Variants in MAP2K6 observed in about 807,000 individuals in gnomAD.
MAP2K6 encodes dual specificity mitogen-activated protein kinase kinase 6.
A neutral mutation model predicts 53.7 loss-of-function variants in MAP2K6; 16 were observed. That is an observed-to-expected ratio of 0.30 (90% CI 0.20 to 0.45). The LOEUF (loss-of-function observed/expected upper bound fraction) is 0.45, where lower values mean the gene tolerates loss of function less well. Among genes scored for constraint, MAP2K6 ranks in the 20% least tolerant of loss-of-function variants. The pLI, the probability that MAP2K6 is intolerant of heterozygous loss-of-function variation, is 1.00. For synonymous variants in MAP2K6, 132 were observed against 143.1 expected (o/e 0.92, Z 0.55); for missense variants, 204 against 411.9 (o/e 0.50, Z 4.37).
At chr17:69,524,826 TC>T in intron 8 of MAP2K6, 74 bp from the exon 9 acceptor site, 1 of 1,119,228 alleles carries the variant, frequency 8.9e-7, no homozygotes, top group Non-Finnish European at 1.4e-6. Flanking sequence ...GCTACCCCCA[TC>T]CCCAGAGACT....
intron 10 of MAP2K6, 22 bp from the exon 11 acceptor site, chr17:69,536,093 T>G (rs1013529413): frequency 1.3e-6 from 2 of 1,526,444 alleles, no homozygotes; most frequent in Non-Finnish European, 1.8e-6. Context: ...TAGATTTTAA[T>G]GATTATTTTT....
intron 1 of MAP2K6, among the ~76,000 whole-genome samples, chr17:69,423,085 A>G (rs1003802694): frequency 1.3e-5 from 2 of 152,116 alleles, no homozygotes; most frequent in African/African-American, 2.4e-5. Context: ...GGGTTTCACC[A>G]TGTTGGCCAG....
At chr17:69,467,716 T>G (rs1907859975) in intron 1 of MAP2K6, among the ~76,000 whole-genome samples, 1 of 152,194 alleles carries the variant, frequency 6.6e-6, no homozygotes, top group African/African-American at 2.4e-5. Context: ...TTATTCAGTC[T>G]TTTCCTTGAA....
At chr17:69,509,082 T>C (rs1909676758) in intron 2 of MAP2K6, among the ~76,000 whole-genome samples, 1 of 152,266 alleles carries the variant, frequency 6.6e-6, no homozygotes, top group Non-Finnish European at 1.5e-5. Context: ...CTATGTTGAC[T>C]ATTCTAAAGG....
intron 1 of MAP2K6, among the ~76,000 whole-genome samples, chr17:69,448,780 T>G (rs1424084590): frequency 6.6e-6 from 1 of 152,198 alleles, no homozygotes; most frequent in Non-Finnish European, 1.5e-5. Context: ...TCAGAGGGAT[T>G]TGTCTTCATT....
chr17:69,503,798 A>G (rs1371187950), intron 1 of MAP2K6, among the ~76,000 whole-genome samples: 1 of 152,188 alleles, frequency 6.6e-6, no homozygotes, highest in Admixed American at 6.5e-5. Flanking sequence ...ATGTTTTTTC[A>G]TATATGTTAT....
chr17:69,418,906 A>C (rs817544), intron 1 of MAP2K6, among the ~76,000 whole-genome samples: 58,459 of 151,932 alleles, frequency 0.38, 11,773 homozygotes, highest in Middle Eastern at 0.46. Flanking sequence ...CTAATCAAAA[A>C]ATTCAAACCA....
chr17:69,527,962 A>C (rs1330371461), intron 10 of MAP2K6, among the ~76,000 whole-genome samples: 1 of 149,930 alleles, frequency 6.7e-6, no homozygotes, highest in Non-Finnish European at 1.5e-5. Flanking sequence ...CTAAAAATAC[A>C]AAAAATTAAC....
At chr17:69,532,490 CTT>C (rs753075764) in intron 10 of MAP2K6, among the ~76,000 whole-genome samples, 10 of 152,172 alleles carry the variant, frequency 6.6e-5, no homozygotes, top group Admixed American at 1.3e-4. Flanking sequence ...ATGAGAAGCT[CTT>C]TGAAAATTCA....
chr17:69,535,493 A>G (rs1264001283), intron 10 of MAP2K6, among the ~76,000 whole-genome samples: 1 of 152,112 alleles, frequency 6.6e-6, no homozygotes, highest in Non-Finnish European at 1.5e-5. Context: ...CAGGAGGCTG[A>G]GGCAGGAAGA....
chr17:69,523,106 T>C (rs1910566839), intron 7 of MAP2K6, among the ~76,000 whole-genome samples: 1 of 152,162 alleles, frequency 6.6e-6, no homozygotes, highest in Non-Finnish European at 1.5e-5. Context: ...TTTGGTCATA[T>C]TTGGTGTATC....
chr17:69,496,947 T>C (rs771179646), intron 1 of MAP2K6, among the ~76,000 whole-genome samples: 45 of 152,162 alleles, frequency 3.0e-4, no homozygotes, highest in Non-Finnish European at 4.4e-4. Context: ...ACGAGTATCA[T>C]TTTTATTACC....
chr17:69,479,704 A>C (rs1598281927), intron 1 of MAP2K6, among the ~76,000 whole-genome samples: 1 of 150,010 alleles, frequency 6.7e-6, no homozygotes, highest in Non-Finnish European at 1.5e-5. Context: ...CAGGAAATGT[A>C]CTTTTCCTTT....
chr17:69,520,250 C>A lies in MAP2K6; in HGVS notation c.367-20C>A, dbSNP rs780635814. The A allele has an allele frequency of 7.9e-7, 1 of 1,263,770 alleles. No homozygotes were observed. The highest frequency in any genetic ancestry group is 1.1e-6 in the Non-Finnish European group (1 of 887,710). 78.3% of individuals were successfully genotyped at this position (1,263,770 alleles called of 1,614,324 possible). ...CCTTTTTCATCCTTTTAAACAATTCCTGAAACAATTGGTCTCCAGGGTGAT... is the reference window on the plus strand; with the variant it reads ...CCTTTTTCATCCTTTTAAACAATTCATGAAACAATTGGTCTCCAGGGTGAT... On this transcript the variant is annotated intron_variant, in intron 5 of 11. Transcript: ENST00000590474.
intron 1 of MAP2K6, among the ~76,000 whole-genome samples, chr17:69,442,251 A>C (rs1906843732): frequency 6.6e-6 from 1 of 152,120 alleles, no homozygotes. Context: ...CGCTTCCCAG[A>C]GTGGCTTTTC....
Position 69,463,510 on chromosome 17 carries a change from A to G in MAP2K6, c.17-42270A>G, listed in dbSNP as rs184777797. On this transcript the variant is annotated intron_variant, in intron 1 of 11. Transcript: ENST00000590474. ...TATATGCACACACACACACATATGT[A>G]TATATATATACACACGCAATCTTGG... Among the ~76,000 whole-genome samples the G allele has an allele frequency of 2.3e-3, 352 of 150,060 alleles. 2 individuals are homozygous for G. The highest frequency in any genetic ancestry group is 8.1e-3 in the African/African-American group (333 of 40,978).
chr17:69,502,267 T>C (rs1216254030), intron 1 of MAP2K6: 1 of 985,336 alleles, frequency 1.0e-6, no homozygotes, highest in Non-Finnish European at 1.2e-6. Flanking sequence ...TGTTCAGTTC[T>C]GTTTCTCCTT....
At chr17:69,531,954 C>G (rs1911105341) in intron 10 of MAP2K6, among the ~76,000 whole-genome samples, 1 of 152,152 alleles carries the variant, frequency 6.6e-6, no homozygotes, top group South Asian at 2.1e-4. Context: ...CCGGTTTACA[C>G]TTTTCATTAT....
At chr17:69,513,139 C>T (rs1448039154) in intron 2 of MAP2K6, among the ~76,000 whole-genome samples, 1 of 152,164 alleles carries the variant, frequency 6.6e-6, no homozygotes, top group East Asian at 1.9e-4. Flanking sequence ...GGAGAGAACA[C>T]AGTGTCAACT....
Sources: allele counts gnomAD v4.1 joint callset (sites outside exome capture counted in the v4.1 genomes callset), GRCh38; gene constraint gnomAD v4.1.1; transcripts MANE v1.5; gene names NCBI Gene and HGNC (gene_info 2026-07-23, HGNC 2026-07-21).